Variants in RHCG observed in about 807,000 individuals in gnomAD.
The protein encoded by RHCG is ammonium transporter Rh type C.
A neutral mutation model predicts 55.3 loss-of-function variants in RHCG; 39 were observed. The observed-to-expected ratio is 0.70, with a 90% confidence interval of 0.55 to 0.92. RHCG has a LOEUF of 0.92. Among genes scored for constraint, RHCG ranks in the 40% least tolerant of loss-of-function variants. The pLI is 0.00. For synonymous variants in RHCG, 250 were observed against 246.8 expected (o/e 1.01, Z -0.12); for missense variants, 635 against 627.9 (o/e 1.01, Z -0.12).
intron 4 of RHCG, 65 bp downstream of exon 4, chr15:89,480,196 G>GCCTTCACCCATCATGGCCA (rs1452906705): frequency 4.4e-6 from 7 of 1,601,776 alleles, no homozygotes; most frequent in South Asian, 2.2e-5. Flanking sequence ...CATCATGGCT[G>GCCTTCACCCATCATGGCCA]CCTTCACCCA....
chr15:89,487,008 G>C, intron 1 of RHCG, 23 bp from the exon 2 acceptor site: 1 of 1,534,520 alleles, frequency 6.5e-7, no homozygotes, highest in Non-Finnish European at 8.8e-7. Context: ...TGCAGCCCGG[G>C]ACTCGGTGGT....
At chr15:89,475,162 C>A (rs1250620835) in intron 9 of RHCG, among the ~76,000 whole-genome samples, 12 of 150,098 alleles carry the variant, frequency 8.0e-5, no homozygotes, top group Non-Finnish European at 1.6e-4. Context: ...TCCTTCCTTC[C>A]TGCCTGCCTG....
intron 2 of RHCG, chr15:89,486,564 C>CAGACAG (rs1305696836): frequency 3.7e-6 from 1 of 267,044 alleles, no homozygotes; most frequent in Non-Finnish European, 7.0e-6. Context: ...GAGAGAGAGA[C>CAGACAG]AGAGAGAGAG....
chr15:89,477,824 C>T lies in RHCG; in HGVS notation c.975+13G>A, dbSNP rs1424519476. 1 of 1,613,846 alleles carries T rather than the reference C, an allele frequency of 6.2e-7. No homozygotes were observed. Among genetic ancestry groups the T allele is most frequent in the Non-Finnish European group, 8.5e-7 (1 of 1,179,980 alleles). Reference sequence around the variant, plus strand: ...CATTCTCTAGCCCCCAGCCCCTTGCCTGGGGCACTTACGGTCAGGTATACA... The same window carrying T: ...CATTCTCTAGCCCCCAGCCCCTTGCTTGGGGCACTTACGGTCAGGTATACA... On this transcript the variant is annotated intron_variant, in intron 6 of 10. Transcript: ENST00000268122. The surrounding 1 kb of genome is among the most constrained non-coding windows in gnomAD (Gnocchi z 4.5).
intron 2 of RHCG, chr15:89,486,262 G>A (rs1961356530): frequency 2.2e-6 from 1 of 456,704 alleles, no homozygotes; most frequent in Non-Finnish European, 4.4e-6. Flanking sequence ...AAGGCAGGGA[G>A]AGAGGTACCT....
In RHCG at chr15:89,486,796, C is replaced by A; in HGVS notation, c.371+3G>T. 6.3e-7 allele frequency: 1 copy of A among 1,583,798 alleles called. No individual in the cohort carries two copies. The highest frequency in any genetic ancestry group is 1.1e-5 in the South Asian group (1 of 88,264). On this transcript the variant is annotated splice_donor_region_variant and intron_variant, in intron 2 of 10. Transcript: ENST00000268122. Reference sequence around the variant, plus strand: ...ACGCCCCCGGGGCCCGCCCTGCGCTCACTTCTCCACGCCCACGACGATGTA... The same window carrying A: ...ACGCCCCCGGGGCCCGCCCTGCGCTAACTTCTCCACGCCCACGACGATGTA...
At chr15:89,475,924 C>T (rs75496481) in intron 9 of RHCG, among the ~76,000 whole-genome samples, 1,567 of 152,230 alleles carry the variant, frequency 0.01, 37 homozygotes, top group African/African-American at 0.036. Context: ...GCTTGTTAAA[C>T]CAGAGTGCTG....
rs148569306 is a variant in RHCG, at chr15:89,479,385, T to C, written c.774A>G (p.Ala258=). 249 of 1,614,056 alleles carry C rather than the reference T, an allele frequency of 1.5e-4. No individual in the cohort carries two copies. The highest frequency in any genetic ancestry group is 2.1e-4 in the Non-Finnish European group (244 of 1,180,052). The change falls in exon 5 of 11, where the codon GCA becomes GCG. Residue 258 remains alanine, a synonymous_variant. Transcript: ENST00000268122. ...RAAINTYCSL[A]ACVLTSVAIS... is the part of the protein sequence containing the mutation. ...TTGCCACCGAGGTAAGCACGCAGGC[T>C]GCCAAGGAGCAGTAGGTGTTGATGG... is the stretch of plus-strand genomic sequence containing the variant.
Position 89,479,376 on chromosome 15 carries a change from C to A in RHCG, c.783G>T (p.Val261=). 1 of 1,614,198 alleles carries A rather than the reference C, an allele frequency of 6.2e-7. No homozygotes were observed. The highest frequency in any genetic ancestry group is 8.5e-7 in the Non-Finnish European group (1 of 1,180,052). Residue 261 remains valine (V), a synonymous_variant, in exon 5 of 11, where the codon GTG becomes GTT. Transcript: ENST00000268122. ...INTYCSLAAC[V]LTSVAISSAL... The stretch of plus-strand genomic sequence containing the variant: ...CACTGGATATTGCCACCGAGGTAAG[C>A]ACGCAGGCTGCCAAGGAGCAGTAGG...
intron 1 of RHCG, among the ~76,000 whole-genome samples, chr15:89,492,578 G>A (rs1961496977): frequency 1.3e-5 from 2 of 152,216 alleles, no homozygotes; most frequent in African/African-American, 4.8e-5. Context: ...TGGAAAGCAG[G>A]TAGGCCCTGG....
In RHCG at chr15:89,483,209, T is replaced by A; in HGVS notation, c.380A>T (p.Asn127Ile). The A allele has an allele frequency of 6.4e-7, 1 of 1,574,240 alleles. No individual in the cohort carries two copies. The highest frequency in any genetic ancestry group is 1.1e-5 in the South Asian group (1 of 88,426). The change falls in exon 3 of 11, where the codon AAC becomes ATC. Residue 127 changes from asparagine (N) to isoleucine (I), a missense_variant. Physicochemically the swap from Asn to Ile is moderately radical, Grantham distance 149. Coordinates refer to ENST00000268122, the MANE Select transcript of RHCG (RefSeq NM_016321.3). ...YIVVGVENLI[N>I]ADFCVASVCV... ...GACAGAGGCCACGCAGAAGTCAGCGTTGATGAGGCTGTGGGGAGACAGGCC... is the reference window on the plus strand; with the variant it reads ...GACAGAGGCCACGCAGAAGTCAGCGATGATGAGGCTGTGGGGAGACAGGCC...
intron 1 of RHCG, among the ~76,000 whole-genome samples, chr15:89,488,075 A>G (rs973667998): frequency 6.6e-6 from 1 of 152,232 alleles, no homozygotes. Flanking sequence ...TAACACACAA[A>G]TAGGAACCTC....
At position 89,477,146 on chromosome 15, in the gene RHCG, T is replaced by C. The variant is rs1459371254; in HGVS notation, c.1173A>G (p.Gly391=). The C allele has an allele frequency of 2.5e-6, 4 of 1,614,046 alleles. No individual in the cohort carries two copies. Among genetic ancestry groups the C allele is most frequent in the Non-Finnish European group, 3.4e-6 (4 of 1,180,010 alleles). ...CCAAGAGACCATAAATCTGGAACTT[T>C]CCCTGTGTTCTTGCGGTCCAGTCCC... ...FNGDWTARTQ[G]KFQIYGLLVT... Residue 391 remains glycine, a synonymous_variant, in exon 8 of 11, where the codon GGA becomes GGG. Transcript: ENST00000268122. This position sits in a 1 kb window ranked among gnomAD's most constrained non-coding sequence, Gnocchi z 4.5.
intron 1 of RHCG, among the ~76,000 whole-genome samples, chr15:89,495,451 C>T (rs961141270): frequency 1.1e-4 from 17 of 152,194 alleles, no homozygotes; most frequent in Non-Finnish European, 1.5e-5. Context: ...GAATAATTTT[C>T]ATTGGCTGAT....
rs768653320 is a variant in RHCG at position 89,472,798 on chromosome 15, T to G, written c.1377A>C (p.Ser459=). The part of the protein sequence containing the change: ...EDPTFKPSGP[S]VPSVPMVSPL... ...GGGACACCATGGGTACTGAGGGTAC[T>G]GAGGGTCCTGAGGGCTTGAAGGTGG... The change falls in exon 10 of 11, where the codon TCA becomes TCC. Residue 459 remains serine, a synonymous_variant. Transcript: ENST00000268122. 1.3e-6 allele frequency: 2 copies of G among 1,558,956 alleles called. No homozygotes were observed. The highest frequency in any genetic ancestry group is 3.8e-5 in the Admixed American group (2 of 51,972).
intron 5 of RHCG, among the ~76,000 whole-genome samples, chr15:89,478,811 T>A (rs1171250576): frequency 6.6e-6 from 1 of 152,064 alleles, no homozygotes; most frequent in Non-Finnish European, 1.5e-5. Context: ...ATAAGATAGG[T>A]TCGGCGCAGT....
chr15:89,489,443 G>A (rs1027684524), intron 1 of RHCG, among the ~76,000 whole-genome samples: 1 of 152,056 alleles, frequency 6.6e-6, no homozygotes, highest in African/African-American at 2.4e-5. Flanking sequence ...CTTTCTTTGT[G>A]CTATTTCTGT....
In RHCG at chr15:89,480,883, G is replaced by A. The variant is rs184101699; in HGVS notation, c.523-475C>T. ...GGCACTTAACAGGTGCCAGATTGAT[G>A]TTTGTCCCCCTCACACTCACCTCTC... is the stretch of plus-strand genomic sequence containing the variant. On this transcript the variant is annotated intron_variant, in intron 3 of 10. Coordinates refer to ENST00000268122, the MANE Select transcript of RHCG (RefSeq NM_016321.3). Among the ~76,000 whole-genome samples the A allele has an allele frequency of 2.0e-5, 3 of 152,308 alleles. No individual in the cohort carries two copies. The East Asian group carries it at 5.8e-4, about 29-fold the overall frequency.
intron 2 of RHCG, 200 bp downstream of exon 2, chr15:89,486,599 A>AGTGTGAGAGTGTGT (rs60077597): frequency 2.3e-5 from 6 of 264,492 alleles, no homozygotes; most frequent in African/African-American, 4.5e-5. Context: ...AGAGAGAGAG[A>AGTGTGAGAGTGTGT]GTGTGTGTGT....
Sources: gnomAD v4.1 joint callset for allele counts (sites outside exome capture counted in the v4.1 genomes callset) on GRCh38, gnomAD v4.1.1 for gene constraint, Gnocchi (gnomAD v3.1) non-coding constraint, MANE v1.5 for transcripts, NCBI Gene and HGNC (gene_info 2026-07-23, HGNC 2026-07-21) for gene names.